SRP68: variants seen among roughly 807,000 people sequenced by gnomAD.
SRP68 encodes the protein signal recognition particle subunit SRP68.
SRP68 carries 15 observed loss-of-function variants against 82.2 expected under a neutral mutation model. The observed-to-expected ratio is 0.18, with a 90% CI of 0.12 to 0.28. The LOEUF is 0.28. Ranked by LOEUF, SRP68 falls within the 10% of genes least tolerant of loss-of-function variation. SRP68 has a pLI of 1.00. For missense variants in SRP68, 595 were observed against 780.5 expected (o/e 0.76, Z 2.83); for synonymous variants, 261 against 292.6 (o/e 0.89, Z 1.10).
chr17:76,043,779 G>A (rs779951580), intron 13 of SRP68, 50 bp downstream of exon 13: 1 of 1,531,328 alleles, frequency 6.5e-7, no homozygotes, highest in Middle Eastern at 1.8e-4. Flanking sequence ...CTCCACAGCT[G>A]ACTCCATAAC....
chr17:76,046,004 A>C (rs1365170362), intron 11 of SRP68, 34 bp downstream of exon 11: 2 of 1,612,320 alleles, frequency 1.2e-6, no homozygotes, highest in Admixed American at 1.7e-5. Context: ...AAGGAAAACC[A>C]CAGGCCCTTG....
chr17:76,050,896 G>C (rs1041125412), intron 8 of SRP68, among the ~76,000 whole-genome samples: 15 of 151,700 alleles, frequency 9.9e-5, no homozygotes, highest in Non-Finnish European at 2.2e-4. Context: ...TTACAGACTG[G>C]ACTTGGGACA....
intron 2 of SRP68, among the ~76,000 whole-genome samples, chr17:76,069,663 C>T (rs1397964589): frequency 3.3e-5 from 5 of 151,086 alleles, no homozygotes; most frequent in Admixed American, 6.6e-5. Flanking sequence ...GCCGAGATCG[C>T]GCCACTATAC....
rs925923247 is a variant in SRP68 at position 76,053,480 on chromosome 17, G to A, written c.979-2954C>T. 5 of 985,124 alleles carry A rather than the reference G, an allele frequency of 5.1e-6. No individual in the cohort carries two copies. In the East Asian group the frequency reaches 3.4e-4, roughly 67 times the overall value. The allele number at this position is 985,124 out of a possible 1,614,324, so 61.0% of individuals were successfully genotyped here. ...CACAGGATTTGCCTCTTTTCCTGTC[G>A]GTAGGGTACAGTTCAAGTTTAAAAC... On this transcript the variant is annotated intron_variant, in intron 8 of 15. Transcript: ENST00000307877.
At position 76,060,348 on chromosome 17, in the gene SRP68, C is replaced by A. The variant is rs2144514403; in HGVS notation, c.797G>T (p.Arg266Met). Residue 266 changes from arginine to methionine, a missense_variant, in exon 7 of 16, where the codon AGG (arginine) becomes ATG (methionine). Transcript: ENST00000307877. Reference sequence around the variant, plus strand: ...CAAGAGACCCTCAGTGCCCCCAGACCTCAATCTCATCTGCATGAGTTCATT... The same window carrying A: ...CAAGAGACCCTCAGTGCCCCCAGACATCAATCTCATCTGCATGAGTTCATT... ...AINELMQMRL[R>M]SGGTEGLLAE... 6.2e-7 allele frequency: 1 copy of A among 1,611,458 alleles called. No individual in the cohort carries two copies. Among genetic ancestry groups the A allele is most frequent in the East Asian group, 2.2e-5 (1 of 44,792 alleles).
At chr17:76,067,438 T>C (rs1211196985) in intron 2 of SRP68, 108 bp from the exon 3 acceptor site, 1 of 767,002 alleles carries the variant, frequency 1.3e-6, no homozygotes, top group African/African-American at 1.8e-5. Context: ...ATATTATACT[T>C]ATGGTTACTA....
chr17:76,053,424 A>G (rs1170345971), intron 8 of SRP68: 20 of 984,404 alleles, frequency 2.0e-5, no homozygotes, highest in Non-Finnish European at 2.4e-5. Context: ...ACCGGCGTTC[A>G]AGAAAAGAGC....
chr17:76,066,823 G>T (rs1393465766), intron 3 of SRP68, among the ~76,000 whole-genome samples: 2 of 151,754 alleles, frequency 1.3e-5, no homozygotes, highest in East Asian at 3.9e-4. Flanking sequence ...TGCCTCCCGG[G>T]TTCAAGTAAT....
At chr17:76,040,343 C>T (rs1272073986) in intron 15 of SRP68, 76 bp downstream of exon 15, 2 of 1,413,562 alleles carry the variant, frequency 1.4e-6, no homozygotes, top group Admixed American at 1.7e-5. Flanking sequence ...GGGTCCACTG[C>T]TCTATAATGA....
In SRP68 at chr17:76,040,505, A is replaced by G; in HGVS notation, c.1601-31T>C. 4 of 1,605,288 alleles carry G rather than the reference A, an allele frequency of 2.5e-6. No homozygotes were observed. In the South Asian group the frequency reaches 4.4e-5, roughly 18 times the overall value. On this transcript the variant is annotated intron_variant, in intron 14 of 15. Transcript: ENST00000307877. The stretch of plus-strand genomic sequence containing the variant: ...AGTTTCACAGGGATTCAGTAAGAAC[A>G]AGGATTTATAATAGCACACTAATCA...
chr17:76,067,269 T>C lies in SRP68; in HGVS notation c.313A>G (p.Arg105Gly). 6.2e-7 allele frequency: 1 copy of C among 1,613,962 alleles called. No individual in the cohort carries two copies. The highest frequency in any genetic ancestry group is 8.5e-7 in the Non-Finnish European group (1 of 1,179,936). The change falls in exon 3 of 16, where the codon AGA (arginine) becomes GGA (glycine). Residue 105 changes from arginine (R) to glycine (G), a missense_variant. This residue lies in a region of SRP68 where 495 missense variants were observed against 688.6 expected (regional missense o/e 0.72). Coordinates refer to ENST00000307877, the MANE Select transcript of SRP68 (RefSeq NM_014230.4). ...ACTTTCTTCCCTGTGAATTTGTGTC[T>C]GTTACCCATCTTGAAGTTGAGTGTT... ...RKTLNFKMGN[R>G]HKFTGKKVTE...
At chr17:76,064,200 A>T in intron 3 of SRP68, 29 bp from the exon 4 acceptor site, 1 of 1,600,664 alleles carries the variant, frequency 6.2e-7, no homozygotes, top group Non-Finnish European at 8.5e-7. Context: ...TGGGGAGACA[A>T]TAAAGGCCAT....
intron 2 of SRP68, 23 bp from the exon 3 acceptor site, chr17:76,067,353 C>G: frequency 6.5e-7 from 1 of 1,542,968 alleles, no homozygotes; most frequent in East Asian, 2.2e-5. Flanking sequence ...ACAAACAAAA[C>G]TCACTCAGCC....
In SRP68 at chr17:76,072,024, A is replaced by G; in HGVS notation, c.184+284T>C. On this transcript the variant is annotated intron_variant, in intron 1 of 15. Transcript: ENST00000307877. This position sits in a 1 kb window ranked among gnomAD's most constrained non-coding sequence, Gnocchi z 4.5. The stretch of plus-strand genomic sequence containing the variant: ...GTGCTCAAGGTGTCACTTGGTCACA[A>G]GCCCTCCAACTGGACAACTGCGGGG... 1.8e-6 allele frequency: 1 copy of G among 545,796 alleles called. No homozygotes were observed. The highest frequency in any genetic ancestry group is 3.2e-6 in the Non-Finnish European group (1 of 316,498). 33.8% of individuals were successfully genotyped at this position (545,796 alleles called of 1,614,324 possible).
chr17:76,071,948 A>C lies in SRP68; in HGVS notation c.184+360T>G, dbSNP rs2066856191. ...AGACAAGAGTATTAAGCCAAATGTC[A>C]AGACTGCAGTTTCCTCTCCCCAGTT... On this transcript the variant is annotated intron_variant, in intron 1 of 15. Transcript: ENST00000307877. This position sits in a 1 kb window ranked among gnomAD's most constrained non-coding sequence, Gnocchi z 4.7. The C allele has an allele frequency of 5.6e-6, 2 of 357,952 alleles. No homozygotes were observed. Among genetic ancestry groups the C allele is most frequent in the South Asian group, 6.3e-5 (2 of 31,590 alleles). 22.2% of individuals were successfully genotyped at this position (357,952 alleles called of 1,614,324 possible). A position where few individuals can be genotyped will look rare whatever the true frequency, so the allele number is the denominator to read the frequency against.
chr17:76,062,703 A>C (rs2066770733), intron 4 of SRP68, among the ~76,000 whole-genome samples: 1 of 77,952 alleles, frequency 1.3e-5, no homozygotes, highest in South Asian at 3.0e-4. Context: ...TATATATTGT[A>C]TATTATACAA....
chr17:76,063,597 A>G (rs1173054307), intron 4 of SRP68, among the ~76,000 whole-genome samples: 2 of 151,702 alleles, frequency 1.3e-5, no homozygotes, highest in African/African-American at 4.8e-5. Context: ...CTGAGGCAGG[A>G]GAATTGCTTG....
rs182319237 is a variant in SRP68, at chr17:76,060,194, C to T, written c.837+114G>A. On this transcript the variant is annotated intron_variant, in intron 7 of 15. Coordinates refer to ENST00000307877, the MANE Select transcript of SRP68 (RefSeq NM_014230.4). ...AACTTTTAGCAAATGTAGATATTTG[C>T]TAATACAGATATAAATATCCATATA... 24 of 365,260 alleles carry T rather than the reference C, an allele frequency of 6.6e-5. No individual in the cohort carries two copies. In the East Asian group the frequency reaches 1.3e-3, roughly 20 times the overall value. 22.6% of individuals were successfully genotyped at this position (365,260 alleles called of 1,614,324 possible).
At chr17:76,058,013 C>A (rs1283826161) in intron 7 of SRP68, among the ~76,000 whole-genome samples, 1 of 151,788 alleles carries the variant, frequency 6.6e-6, no homozygotes, top group Non-Finnish European at 1.5e-5. Flanking sequence ...TGCTCTGTTG[C>A]CCAGGCTGGA....
Sources: gnomAD v4.1 joint callset for allele counts (sites outside exome capture counted in the v4.1 genomes callset) on GRCh38, gnomAD v4.1.1 for gene constraint, gnomAD v4.1.1 regional missense constraint, Gnocchi (gnomAD v3.1) non-coding constraint, MANE v1.5 for transcripts, NCBI Gene and HGNC (gene_info 2026-07-23, HGNC 2026-07-21) for gene names.